KCNG2: variants seen among roughly 807,000 people sequenced by gnomAD.
KCNG2 encodes voltage-gated potassium channel regulatory subunit KCNG2.
Under a neutral mutation model 12.3 loss-of-function variants are expected in KCNG2, and 7 were observed. The ratio of observed to expected loss-of-function variants is 0.57; its 90% confidence interval spans 0.32 to 1.07. The LOEUF is 1.07. KCNG2 is among the 50% of genes least tolerant of loss of function. KCNG2 has a pLI of 0.04. For missense variants in KCNG2, 703 were observed against 726.0 expected (o/e 0.97, Z 0.36); for synonymous variants, 414 against 351.4 (o/e 1.18, Z -1.99).
chr18:79,890,551 C>T (rs568451355), intron 3 of KCNG2, among the ~76,000 whole-genome samples: 7 of 152,296 alleles, frequency 4.6e-5, no homozygotes, highest in South Asian at 2.1e-4. Flanking sequence ...CTCGCACTTA[C>T]GAGTGAGAAC....
chr18:79,807,235 G>C (rs537230774), intron 1 of KCNG2, among the ~76,000 whole-genome samples: 3 of 152,172 alleles, frequency 2.0e-5, no homozygotes, highest in Non-Finnish European at 2.9e-5. Flanking sequence ...AGCTCGTCGC[G>C]TAGTCTGATG....
chr18:79,829,540 G>A (rs969527051), intron 1 of KCNG2, among the ~76,000 whole-genome samples: 1 of 152,036 alleles, frequency 6.6e-6, no homozygotes, highest in Admixed American at 6.5e-5. Flanking sequence ...TACGGCCGGT[G>A]GGTCTCTGCC....
chr18:79,880,136 G>A (rs910455781), intron 3 of KCNG2, among the ~76,000 whole-genome samples: 1 of 152,120 alleles, frequency 6.6e-6, no homozygotes, highest in African/African-American at 2.4e-5. Flanking sequence ...GGTGGGGTGT[G>A]TGGGAGACCC....
chr18:79,850,833 A>G (rs145200298), intron 1 of KCNG2, among the ~76,000 whole-genome samples: 119 of 152,352 alleles, frequency 7.8e-4, no homozygotes, highest in African/African-American at 2.7e-3. Flanking sequence ...ATGGCCCAGT[A>G]AGAACTCAAA....
chr18:79,875,492 A>C (rs994180067), intron 3 of KCNG2, among the ~76,000 whole-genome samples: 3 of 152,192 alleles, frequency 2.0e-5, no homozygotes, highest in African/African-American at 7.2e-5. Context: ...CTGTGTCAGT[A>C]AAACTCCCAC....
chr18:79,897,803 C>G (rs1279018519), intron 3 of KCNG2, among the ~76,000 whole-genome samples: 1 of 152,090 alleles, frequency 6.6e-6, no homozygotes, highest in East Asian at 1.9e-4. Context: ...TCCCCAGCAA[C>G]AGTCTCGGTG....
intron 2 of KCNG2, among the ~76,000 whole-genome samples, chr18:79,862,256 C>A (rs1979249099): frequency 6.6e-6 from 1 of 152,168 alleles, no homozygotes; most frequent in African/African-American, 2.4e-5. Flanking sequence ...CCCCTCTCCC[C>A]AGGAGTTTTT....
chr18:79,852,070 A>G (rs1269660338), intron 1 of KCNG2, among the ~76,000 whole-genome samples: 1 of 152,184 alleles, frequency 6.6e-6, no homozygotes, highest in Non-Finnish European at 1.5e-5. Flanking sequence ...CACTAGCTCT[A>G]ATTGTTAACG....
chr18:79,878,264 CGCCTG>C lies in KCNG2; in HGVS notation c.624+13974_624+13978del, dbSNP rs1568267886. The stretch of plus-strand genomic sequence containing the variant: ...GCTTCACATGGCAGTGTGCAGAGGG[CGCCTG>C]ATGCCCACGTGGCAGTGTGCGGAGG... On this transcript the variant is annotated intron_variant, in intron 3 of 3. Coordinates refer to ENST00000316249, the MANE Select transcript of KCNG2 (RefSeq NM_012283.2). 1.1e-3 allele frequency among the ~76,000 whole-genome samples: 170 copies of C among 151,982 alleles called. 5 individuals are homozygous for C. Among genetic ancestry groups the C allele is most frequent in the Admixed American group, 9.5e-3 (145 of 15,238 alleles).
chr18:79,803,853 GC>G lies in KCNG2; in HGVS notation c.-115+5841del. On this transcript the variant is annotated intron_variant, in intron 1 of 3. Coordinates refer to ENST00000316249, the MANE Select transcript of KCNG2 (RefSeq NM_012283.2). The surrounding 1 kb of genome is among the most constrained non-coding windows in gnomAD (Gnocchi z 4.5). ...TTCTCCTCACTGTGATGGCCCCGGG[GC>G]CATGCTGAGGCCTCCGTGTTGGTTT... is the stretch of plus-strand genomic sequence containing the variant. Among the ~76,000 whole-genome samples, 1 of 152,294 alleles carries G rather than the reference GC, an allele frequency of 6.6e-6. No homozygotes were observed. The highest frequency in any genetic ancestry group is 1.9e-4 in the East Asian group (1 of 5,172).
chr18:79,868,499 G>C (rs756488781), intron 3 of KCNG2, among the ~76,000 whole-genome samples: 1 of 152,208 alleles, frequency 6.6e-6, no homozygotes, highest in East Asian at 1.9e-4. Context: ...TTTCGGAAGC[G>C]ATTCAGTTGT....
chr18:79,841,891 T>C (rs1377070413), intron 1 of KCNG2, among the ~76,000 whole-genome samples: 2 of 152,176 alleles, frequency 1.3e-5, no homozygotes, highest in South Asian at 2.1e-4. Context: ...CATTAACTCA[T>C]ACCACTCTTC....
rs184503029 is a variant in KCNG2, at chr18:79,896,971, T to C, written c.625-2069T>C. Among the ~76,000 whole-genome samples the C allele has an allele frequency of 1.5e-3, 228 of 152,380 alleles. 1 individual carries two copies. Among genetic ancestry groups the C allele is most frequent in the Admixed American group, 0.014 (222 of 15,314 alleles). On this transcript the variant is annotated intron_variant, in intron 3 of 3. Coordinates refer to ENST00000316249, the MANE Select transcript of KCNG2 (RefSeq NM_012283.2). Reference sequence around the variant, plus strand: ...GCCGTTTATTTGTGAACTTCCCTTGTAAGTGATCTTCATTTTGCTCTTGCT... The same window carrying C: ...GCCGTTTATTTGTGAACTTCCCTTGCAAGTGATCTTCATTTTGCTCTTGCT...
intron 1 of KCNG2, among the ~76,000 whole-genome samples, chr18:79,807,331 TC>T (rs2087457233): frequency 6.6e-6 from 1 of 152,190 alleles, no homozygotes; most frequent in African/African-American, 2.4e-5. Context: ...CCTCACGCCC[TC>T]CTCACCTTGC....
At chr18:79,834,231 C>T (rs993813236) in intron 1 of KCNG2, among the ~76,000 whole-genome samples, 7 of 152,214 alleles carry the variant, frequency 4.6e-5, no homozygotes, top group East Asian at 1.9e-4. Flanking sequence ...TTTGCCTCGG[C>T]GGCACCAGCA....
At chr18:79,862,613 G>A (rs1034129938) in intron 2 of KCNG2, among the ~76,000 whole-genome samples, 1 of 152,168 alleles carries the variant, frequency 6.6e-6, no homozygotes, top group African/African-American at 2.4e-5. Context: ...CAGATTCCCG[G>A]GAACTCTTAG....
chr18:79,858,949 T>C (rs190523382), intron 2 of KCNG2, among the ~76,000 whole-genome samples: 3 of 152,362 alleles, frequency 2.0e-5, no homozygotes, highest in African/African-American at 7.2e-5. Flanking sequence ...CTCCAAGAGT[T>C]CCTAACATCC....
In KCNG2 at chr18:79,845,865, T is replaced by C. The variant is rs1037176801; in HGVS notation, c.-114-10514T>C. 1.1e-4 allele frequency among the ~76,000 whole-genome samples: 17 copies of C among 151,336 alleles called. No individual in the cohort carries two copies. In the East Asian group the frequency reaches 3.1e-3, roughly 28 times the overall value. On this transcript the variant is annotated intron_variant, in intron 1 of 3. Transcript: ENST00000316249. ...ACTTTGGGAGGCCGAGGCAGGCGGA[T>C]CATGAGGTCAGGAGATTGAGATCAT...
intron 3 of KCNG2, among the ~76,000 whole-genome samples, chr18:79,888,032 TA>T (rs1980595764): frequency 6.6e-6 from 1 of 152,212 alleles, no homozygotes. Flanking sequence ...TAACACCCTT[TA>T]AAACGGTTCA....
Sources: gnomAD v4.1 joint callset for allele counts (sites outside exome capture counted in the v4.1 genomes callset) on GRCh38, gnomAD v4.1.1 for gene constraint, Gnocchi (gnomAD v3.1) non-coding constraint, MANE v1.5 for transcripts, NCBI Gene and HGNC (gene_info 2026-07-23, HGNC 2026-07-21) for gene names.